CCDC88A: variants seen among roughly 807,000 people sequenced by gnomAD.
The protein encoded by CCDC88A is coiled-coil and HOOK domain protein 88A.
A neutral mutation model predicts 234.3 loss-of-function variants in CCDC88A; 54 were observed. That is an observed-to-expected ratio of 0.23 (90% CI 0.19 to 0.29). The LOEUF (loss-of-function observed/expected upper bound fraction) is 0.29, where lower values mean the gene tolerates loss of function less well. Ranked by LOEUF, CCDC88A falls within the 10% of genes least tolerant of loss-of-function variation. The probability of loss-of-function intolerance (pLI) is 1.00; values close to 1 mark genes in which losing one functional copy is unlikely to be tolerated. For missense variants in CCDC88A, 1,832 were observed against 2,123.4 expected (o/e 0.86, Z 2.70); for synonymous variants, 753 against 737.8 (o/e 1.02, Z -0.33).
At chr2:55,360,451 G>T (rs1412743653) in intron 7 of CCDC88A, among the ~76,000 whole-genome samples, 1 of 151,942 alleles carries the variant, frequency 6.6e-6, no homozygotes, top group Admixed American at 6.6e-5. Flanking sequence ...CCAAATTGAG[G>T]GAAAAAAATT....
At chr2:55,293,039 TA>T (rs1024877413) in intron 31 of CCDC88A, 1 of 151,316 alleles carries the variant, frequency 6.6e-6, no homozygotes, top group African/African-American at 2.4e-5. Flanking sequence ...ATGCTGCATA[TA>T]AACATATAGC....
intron 19 of CCDC88A, 63 bp downstream of exon 19, chr2:55,318,780 C>T: frequency 1.6e-6 from 2 of 1,259,802 alleles, no homozygotes; most frequent in Non-Finnish European, 2.2e-6. Context: ...TGTTTACCCT[C>T]CCTTATTTTA....
chr2:55,326,410 C>G (rs1279978949), intron 17 of CCDC88A, among the ~76,000 whole-genome samples: 1 of 151,992 alleles, frequency 6.6e-6, no homozygotes, highest in Non-Finnish European at 1.5e-5. Flanking sequence ...TTACTTTAAC[C>G]CTTATACTAT....
chr2:55,299,766 A>C (rs1239459898), intron 29 of CCDC88A, 73 bp downstream of exon 29: 2 of 961,916 alleles, frequency 2.1e-6, no homozygotes, highest in African/African-American at 1.6e-5. Context: ...TTACCCCAGA[A>C]ACTTCATCCC....
rs1031519585 is a variant in CCDC88A at position 55,294,939 on chromosome 2, C to G, written c.5551+658G>C. 2.5e-6 allele frequency: 3 copies of G among 1,189,734 alleles called. No individual in the cohort carries two copies. The African/African-American group carries it at 4.8e-5, about 19-fold the overall frequency. The allele number at this position is 1,189,734 out of a possible 1,614,324, so 73.7% of individuals were successfully genotyped here. A position where few individuals can be genotyped will look rare whatever the true frequency, so the allele number is the denominator to read the frequency against. On this transcript the variant is annotated intron_variant, in intron 31 of 32. Transcript: ENST00000436346. ...CCATCATGTACAGCTGAACACTGTGCAACAATTTTAAATAAAAAATAAAAA... is the reference window on the plus strand; with the variant it reads ...CCATCATGTACAGCTGAACACTGTGGAACAATTTTAAATAAAAAATAAAAA...
rs891917775 is a variant in CCDC88A at position 55,383,732 on chromosome 2, C to T, written c.273+5046G>A. Among the ~76,000 whole-genome samples, 9 of 152,056 alleles carry T rather than the reference C, an allele frequency of 5.9e-5. No individual in the cohort carries two copies. The South Asian group carries it at 8.3e-4, about 14-fold the overall frequency. ...ACATACAAAAAATTTAAGTTTTCTA[C>T]AGTCGTTCCCCAAAATCTGATTTTT... On this transcript the variant is annotated intron_variant, in intron 3 of 32. Transcript: ENST00000436346.
chr2:55,398,160 T>C (rs1677943179), intron 2 of CCDC88A, among the ~76,000 whole-genome samples: 1 of 152,348 alleles, frequency 6.6e-6, no homozygotes, highest in African/African-American at 2.4e-5. Flanking sequence ...TACAAATCTA[T>C]GAAATAAGTA....
intron 17 of CCDC88A, among the ~76,000 whole-genome samples, chr2:55,326,651 C>T (rs1479168450): frequency 2.0e-5 from 3 of 152,176 alleles, no homozygotes; most frequent in African/African-American, 7.2e-5. Context: ...CAACCTCTAC[C>T]TCCTGGATTC....
intron 2 of CCDC88A, chr2:55,404,477 A>C (rs1679225231): frequency 6.6e-6 from 1 of 152,186 alleles, no homozygotes; most frequent in South Asian, 2.1e-4. Context: ...AAACCCACCA[A>C]TTAAAGGCAA....
At chr2:55,384,599 ACG>A (rs1244754368) in intron 3 of CCDC88A, among the ~76,000 whole-genome samples, 1 of 134,808 alleles carries the variant, frequency 7.4e-6, no homozygotes, top group African/African-American at 3.0e-5. Flanking sequence ...ACACATATAT[ACG>A]TATATATGTG....
At chr2:55,370,718 C>T (rs1672716543) in intron 5 of CCDC88A, among the ~76,000 whole-genome samples, 1 of 147,242 alleles carries the variant, frequency 6.8e-6, no homozygotes, top group Non-Finnish European at 1.5e-5. Flanking sequence ...GATAAATTTA[C>T]CCTTTGGGGC....
At position 55,316,082 on chromosome 2, in the gene CCDC88A, T is replaced by A; in HGVS notation, c.3779A>T (p.Glu1260Val). Residue 1260 changes from glutamate (E) to valine (V), a missense_variant, in exon 22 of 33, where the codon GAG becomes GTG. Physicochemically the swap from Glu to Val is moderately radical, Grantham distance 121. Transcript: ENST00000436346. ...ATGGTCAGTTTGTAAAACTTCAGTC[T>A]CTTTTAAAAGTTGACTATAGGTATG... is the stretch of plus-strand genomic sequence containing the variant. ...LNHTYSQLLK[E>V]TEVLQTDHKN... 1 of 1,548,398 alleles carries A rather than the reference T, an allele frequency of 6.5e-7. No homozygotes were observed. The highest frequency in any genetic ancestry group is 8.8e-7 in the Non-Finnish European group (1 of 1,133,056).
At position 55,316,038 on chromosome 2, in the gene CCDC88A, G is replaced by T. The variant is rs1201408745; in HGVS notation, c.3823C>A (p.Leu1275Met). 2 of 1,590,260 alleles carry T rather than the reference G, an allele frequency of 1.3e-6. No homozygotes were observed. The highest frequency in any genetic ancestry group is 1.7e-5 in the Admixed American group (1 of 57,914). ...QTDHKNLKSL[L>M]NNSKLEQTRL... is the part of the protein sequence containing the mutation. Reference sequence around the variant, plus strand: ...GTTTGTTCCAGTTTGGAATTATTCAGAAGACTTTTCAAATTTTTATGGTCA... The same window carrying T: ...GTTTGTTCCAGTTTGGAATTATTCATAAGACTTTTCAAATTTTTATGGTCA... Residue 1275 changes from leucine (L) to methionine (M), a missense_variant, in exon 22 of 33, where the codon CTG becomes ATG. Leu to Met is a conservative substitution (Grantham distance 15, BLOSUM62 2). Transcript: ENST00000436346.
Position 55,296,062 on chromosome 2 carries a change from TA to T in CCDC88A, c.5092-7del, listed in dbSNP as rs543844398. ...TCTTGACTTGAGGACTTTATCTGTT[TA>T]AAAAAAAATTCAAAGCAGATTAGTG... On this transcript the variant is annotated splice_region_variant and splice_polypyrimidine_tract_variant and intron_variant, in intron 30 of 32. Transcript: ENST00000436346. 1.2e-4 allele frequency: 194 copies of T among 1,558,374 alleles called. No individual in the cohort carries two copies. In the African/African-American group the frequency reaches 1.5e-3, roughly 12 times the overall value.
intron 2 of CCDC88A, among the ~76,000 whole-genome samples, chr2:55,413,573 C>A (rs555013828): frequency 6.6e-6 from 1 of 152,098 alleles, no homozygotes; most frequent in Non-Finnish European, 1.5e-5. Context: ...AATCATTCAA[C>A]AGAAATATAT....
In CCDC88A at chr2:55,295,635, G is replaced by A. The variant is rs1369343284; in HGVS notation, c.5513C>T (p.Pro1838Leu). 1 of 1,614,132 alleles carries A rather than the reference G, an allele frequency of 6.2e-7. No individual in the cohort carries two copies. Among genetic ancestry groups the A allele is most frequent in the Non-Finnish European group, 8.5e-7 (1 of 1,180,026 alleles). ...DSRLPISVDS[P>L]PAAADSNTTA... ...GGTGTTGCTGTCAGCAGCAGCTGGT[G>A]GTGAATCAACTGATATAGGCAGTCT... The change falls in exon 31 of 33, where the codon CCA becomes CTA. Residue 1838 changes from proline (P) to leucine (L), a missense_variant. Around this residue, in one of 6 missense-constraint regions of CCDC88A, gnomAD observed 422 missense variants for 416.5 expected, o/e 1.01. Coordinates refer to ENST00000436346, the MANE Select transcript of CCDC88A (RefSeq NM_001365480.1).
rs1254593710 is a variant in CCDC88A at position 55,295,689 on chromosome 2, C to T, written c.5459G>A (p.Ser1820Asn). The change falls in exon 31 of 33, where the codon AGC (serine) becomes AAC (asparagine). Residue 1820 changes from serine (S) to asparagine (N), a missense_variant. This residue lies in a region of CCDC88A where 422 missense variants were observed against 416.5 expected (regional missense o/e 1.01). Coordinates refer to ENST00000436346, the MANE Select transcript of CCDC88A (RefSeq NM_001365480.1). ...GTCCTTGGTCAAAAAATCATGGATG[C>T]TTGTCCTTCGTGTAGTTCCTTCGGC... ...STAEGTTRRTSIHDFLTKDSR... is the reference protein window; with the variant it reads ...STAEGTTRRTNIHDFLTKDSR... The T allele has an allele frequency of 9.3e-6, 15 of 1,614,080 alleles. No individual in the cohort carries two copies. Among genetic ancestry groups the T allele is most frequent in the Non-Finnish European group, 1.3e-5 (15 of 1,180,040 alleles).
intron 12 of CCDC88A, 33 bp from the exon 13 acceptor site, chr2:55,339,681 CT>C (rs1558698535): frequency 6.4e-7 from 1 of 1,553,542 alleles, no homozygotes; most frequent in Admixed American, 2.1e-5. Flanking sequence ...ATTGTATTTA[CT>C]CTTTACTGTT....
chr2:55,303,253 A>C lies in CCDC88A; in HGVS notation c.4388-101T>G, dbSNP rs1574020704. 5.3e-6 allele frequency: 4 copies of C among 751,266 alleles called. No individual in the cohort carries two copies. In the South Asian group the frequency reaches 6.0e-5, roughly 11 times the overall value. 46.5% of individuals were successfully genotyped at this position (751,266 alleles called of 1,614,324 possible). A position where few individuals can be genotyped will look rare whatever the true frequency, so the allele number is the denominator to read the frequency against. ...AATGTTGAAATTAAGGACAGAAATG[A>C]ATGTTTGAGTTTTAGCTATGTATGC... On this transcript the variant is annotated intron_variant, in intron 25 of 32. Coordinates refer to ENST00000436346, the MANE Select transcript of CCDC88A (RefSeq NM_001365480.1).
Sources: gnomAD v4.1 joint callset for allele counts (sites outside exome capture counted in the v4.1 genomes callset) on GRCh38, gnomAD v4.1.1 for gene constraint, gnomAD v4.1.1 regional missense constraint, MANE v1.5 for transcripts, NCBI Gene and HGNC (gene_info 2026-07-23, HGNC 2026-07-21) for gene names.